The following PARPBP variants were observed in gnomAD, a reference collection of about 807,000 sequenced individuals.
The protein encoded by PARPBP is PCNA-interacting partner.
PARPBP carries 52 observed loss-of-function variants against 50.0 expected under a neutral mutation model. That is an observed-to-expected ratio of 1.04 (90% CI 0.83 to 1.31). The LOEUF is 1.31. Among genes scored for constraint, PARPBP ranks in the 50% most tolerant of loss-of-function variants. The probability of loss-of-function intolerance (pLI) is 0.00; values close to 1 mark genes in which losing one functional copy is unlikely to be tolerated. For missense variants in PARPBP, 697 were observed against 672.0 expected, an observed-to-expected ratio of 1.04 and a Z score of -0.41; for synonymous variants, 244 against 232.1, an observed-to-expected ratio of 1.05 and a Z score of -0.47.
At chr12:102,135,760 G>C (rs1246260759) in intron 2 of PARPBP, among the ~76,000 whole-genome samples, 1 of 152,184 alleles carries the variant, frequency 6.6e-6, no homozygotes, top group Non-Finnish European at 1.5e-5. Flanking sequence ...GAAGTTCATA[G>C]TGATCATCTT....
intron 2 of PARPBP, among the ~76,000 whole-genome samples, chr12:102,146,344 G>A (rs78508617): frequency 0.036 from 5,431 of 152,164 alleles, 386 homozygotes; most frequent in East Asian, 0.29. Context: ...AACCAAAACA[G>A]CATGGTACTG....
At chr12:102,155,914 A>G (rs149022226) in intron 4 of PARPBP, among the ~76,000 whole-genome samples, 3,935 of 152,284 alleles carry the variant, frequency 0.026, 146 homozygotes, top group African/African-American at 0.078. Context: ...CTAAATGCCC[A>G]GGTTCATCCT....
chr12:102,196,447 A>C lies in PARPBP; in HGVS notation c.*156A>C, dbSNP rs1565911039. 1.4e-6 allele frequency: 1 copy of C among 712,142 alleles called. No individual in the cohort carries two copies. The allele number at this position is 712,142 out of a possible 1,614,324, so 44.1% of individuals were successfully genotyped here. ...ATGTTAAGCATTGTTTAAAAATACT[A>C]GTAAGTCATAATTATGCAGAATTTT... On this transcript the variant is annotated 3_prime_UTR_variant, in exon 11 of 11. Coordinates refer to ENST00000327680, the MANE Select transcript of PARPBP (RefSeq NM_017915.5).
Position 102,121,545 on chromosome 12 carries a change from CTTTTTTTTTTT to C in PARPBP, c.-4+1275_-4+1285del, listed in dbSNP as rs35855638. ...GGTTTTCTGTCACCATAGTAATGCT[CTTTTTTTTTTT>C]TTTTTTTTTTTTTTTAAGACAGAGT... On this transcript the variant is annotated intron_variant, in intron 1 of 10. Coordinates refer to ENST00000327680, the MANE Select transcript of PARPBP (RefSeq NM_017915.5). 2.8e-4 allele frequency among the ~76,000 whole-genome samples: 24 copies of C among 87,142 alleles called. No homozygotes were observed. The East Asian group carries it at 3.6e-3, about 13-fold the overall frequency. The allele number at this position is 87,142 out of a possible 152,430, so 57.2% of individuals were successfully genotyped here.
rs776726899 is a variant in PARPBP, at chr12:102,153,917, G to A, written c.436G>A (p.Glu146Lys). Residue 146 changes from glutamate (E) to lysine (K), a missense_variant, in exon 4 of 11, where the codon GAA (glutamate) becomes AAA (lysine). Physicochemically the swap from Glu to Lys is moderately conservative, Grantham distance 56. Coordinates refer to ENST00000327680, the MANE Select transcript of PARPBP (RefSeq NM_017915.5). ...LSGKQYAVGD[E>K]TDLSIPTSPT... Reference sequence around the variant, plus strand: ...TGGCAAACAGTATGCAGTAGGTGATGAAACTGATCTTTCTATACCAACATC... The same window carrying A: ...TGGCAAACAGTATGCAGTAGGTGATAAAACTGATCTTTCTATACCAACATC... The A allele has an allele frequency of 6.2e-7, 1 of 1,611,930 alleles. No homozygotes were observed. Among genetic ancestry groups the A allele is most frequent in the Admixed American group, 1.7e-5 (1 of 60,020 alleles).
At chr12:102,149,174 G>A (rs1181237264) in intron 3 of PARPBP, among the ~76,000 whole-genome samples, 1 of 151,994 alleles carries the variant, frequency 6.6e-6, no homozygotes, top group African/African-American at 2.4e-5. Flanking sequence ...TGGAATTAGA[G>A]GAAAATGTTT....
At chr12:102,142,688 GT>G (rs1320462334) in intron 2 of PARPBP, among the ~76,000 whole-genome samples, 2 of 152,332 alleles carry the variant, frequency 1.3e-5, no homozygotes, top group Admixed American at 1.3e-4. Flanking sequence ...TGTCCTTTCT[GT>G]TTGTTAGTTT....
intron 1 of PARPBP, 127 bp downstream of exon 1, chr12:102,120,413 T>G (rs1880811288): frequency 4.4e-6 from 2 of 455,780 alleles, no homozygotes; most frequent in Non-Finnish European, 8.8e-6. Flanking sequence ...CGAAGTATTA[T>G]GGTGCAGTGA....
At chr12:102,151,284 G>A (rs904276005) in intron 3 of PARPBP, among the ~76,000 whole-genome samples, 4 of 152,204 alleles carry the variant, frequency 2.6e-5, no homozygotes, top group African/African-American at 9.6e-5. Context: ...GGGTGGGGGT[G>A]CCGCGGGTGC....
chr12:102,177,092 T>G (rs940086949), intron 7 of PARPBP, among the ~76,000 whole-genome samples: 4 of 152,232 alleles, frequency 2.6e-5, no homozygotes, highest in Non-Finnish European at 5.9e-5. Context: ...AAGTTACTAT[T>G]AAGGAATATG....
chr12:102,148,210 T>C lies in PARPBP; in HGVS notation c.154-20T>C. 4 of 1,051,764 alleles carry C rather than the reference T, an allele frequency of 3.8e-6. No individual in the cohort carries two copies. The highest frequency in any genetic ancestry group is 5.5e-6 in the Non-Finnish European group (4 of 723,736). The allele number at this position is 1,051,764 out of a possible 1,614,324, so 65.2% of individuals were successfully genotyped here. A position where few individuals can be genotyped will look rare whatever the true frequency, so the allele number is the denominator to read the frequency against. On this transcript the variant is annotated intron_variant, in intron 2 of 10. Transcript: ENST00000327680. ...GGTACCCAACTTTATTTTTTTTTTT[T>C]TTGGCATTATCTTTTTCAGCACAGT...
At chr12:102,163,332 T>C (rs1454761934) in intron 4 of PARPBP, among the ~76,000 whole-genome samples, 1 of 152,216 alleles carries the variant, frequency 6.6e-6, no homozygotes, top group Non-Finnish European at 1.5e-5. Context: ...GGATGATTTG[T>C]TAACCTTATT....
At chr12:102,163,358 G>T (rs1335770419) in intron 4 of PARPBP, among the ~76,000 whole-genome samples, 1 of 152,034 alleles carries the variant, frequency 6.6e-6, no homozygotes, top group Non-Finnish European at 1.5e-5. Context: ...TCCTCTGTAG[G>T]TAATGTGTCA....
At chr12:102,130,445 AACAG>A (rs1490814587) in intron 2 of PARPBP, among the ~76,000 whole-genome samples, 2 of 152,242 alleles carry the variant, frequency 1.3e-5, no homozygotes, top group Non-Finnish European at 2.9e-5. Flanking sequence ...CAACAGAGTA[AACAG>A]ACAACCTACA....
chr12:102,164,385 A>G (rs1269201570), intron 4 of PARPBP, 53 bp from the exon 5 acceptor site: 2 of 1,303,822 alleles, frequency 1.5e-6, no homozygotes, highest in Non-Finnish European at 2.2e-6. Context: ...GAAAAAGATT[A>G]TGGATTTAGA....
chr12:102,150,174 C>T (rs1885997414), intron 3 of PARPBP: 1 of 448,892 alleles, frequency 2.2e-6, no homozygotes, highest in African/African-American at 2.0e-5. Flanking sequence ...ATTGAAGCTG[C>T]TAAGATGGTA....
chr12:102,148,357 T>C lies in PARPBP; in HGVS notation c.281T>C (p.Ile94Thr). Reference sequence around the variant, plus strand: ...GACCATTATGAGGACGTTAGGAAGATTTATGATGATTTCTTGAAGAACAGT... The same window carrying C: ...GACCATTATGAGGACGTTAGGAAGACTTATGATGATTTCTTGAAGAACAGT... Reference protein sequence around the residue: ...VTDHYEDVRKIYDDFLKNSNM... With the variant: ...VTDHYEDVRKTYDDFLKNSNM... The change falls in exon 3 of 11, where the codon ATT becomes ACT. Residue 94 changes from isoleucine to threonine, a missense_variant. Coordinates refer to ENST00000327680, the MANE Select transcript of PARPBP (RefSeq NM_017915.5). The C allele has an allele frequency of 2.5e-6, 4 of 1,587,734 alleles. No homozygotes were observed. The highest frequency in any genetic ancestry group is 1.7e-4 in the Middle Eastern group (1 of 5,990).
rs35855638 is a variant in PARPBP, at chr12:102,121,545, C to CTT, written c.-4+1284_-4+1285dup. Among the ~76,000 whole-genome samples the CTT allele has an allele frequency of 4.2e-3, 367 of 87,186 alleles. 15 individuals are homozygous for CTT. The highest frequency in any genetic ancestry group is 7.7e-3 in the African/African-American group (167 of 21,822). 57.2% of individuals were successfully genotyped at this position (87,186 alleles called of 152,430 possible). A position where few individuals can be genotyped will look rare whatever the true frequency, so the allele number is the denominator to read the frequency against. Reference sequence around the variant, plus strand: ...GGTTTTCTGTCACCATAGTAATGCTCTTTTTTTTTTTTTTTTTTTTTTTTT... The same window carrying CTT: ...GGTTTTCTGTCACCATAGTAATGCTCTTTTTTTTTTTTTTTTTTTTTTTTTTT... On this transcript the variant is annotated intron_variant, in intron 1 of 10. Coordinates refer to ENST00000327680, the MANE Select transcript of PARPBP (RefSeq NM_017915.5).
At chr12:102,140,998 T>G (rs1466877401) in intron 2 of PARPBP, among the ~76,000 whole-genome samples, 1 of 152,218 alleles carries the variant, frequency 6.6e-6, no homozygotes, top group Admixed American at 6.5e-5. Context: ...GTCTATTAGG[T>G]CCGCTTGGTG....
Sources: gnomAD v4.1 joint callset for allele counts (sites outside exome capture counted in the v4.1 genomes callset) on GRCh38, gnomAD v4.1.1 for gene constraint, MANE v1.5 for transcripts, NCBI Gene and HGNC (gene_info 2026-07-23, HGNC 2026-07-21) for gene names.